Variants in PALLD observed in about 807,000 individuals in gnomAD.
PALLD encodes palladin.
A neutral mutation model predicts 123.5 loss-of-function variants in PALLD; 61 were observed. The ratio of observed to expected loss-of-function variants is 0.49; its 90% confidence interval spans 0.40 to 0.61. The LOEUF is 0.61. Among genes scored for constraint, PALLD ranks in the 20% least tolerant of loss-of-function variants. The pLI is 0.00. For synonymous variants in PALLD, 465 were observed against 496.4 expected (o/e 0.94, Z 0.84); for missense variants, 1,273 against 1,377.0 (o/e 0.92, Z 1.20).
At position 168,914,022 on chromosome 4, in the gene PALLD, G is replaced by C; in HGVS notation, c.2717+1G>C. On this transcript the variant is annotated splice_donor_variant, in intron 16 of 21. Transcript: ENST00000505667. LOFTEE classifies it high-confidence loss of function. ...CCTCAGGCCATCCTCATGTCAGAAGGTATTTAACATGTTCCTTCCCAGAAG... is the reference window on the plus strand; with the variant it reads ...CCTCAGGCCATCCTCATGTCAGAAGCTATTTAACATGTTCCTTCCCAGAAG... 6.4e-7 allele frequency: 1 copy of C among 1,557,266 alleles called. No individual in the cohort carries two copies.
chr4:168,889,694 T>A (rs768444025), intron 10 of PALLD, among the ~76,000 whole-genome samples: 7 of 152,208 alleles, frequency 4.6e-5, no homozygotes, highest in Non-Finnish European at 1.0e-4. Context: ...GGTTTTACCA[T>A]GTATGTATGC....
chr4:168,814,609 C>G (rs1241708057), intron 10 of PALLD, among the ~76,000 whole-genome samples: 1 of 152,218 alleles, frequency 6.6e-6, no homozygotes, highest in African/African-American at 2.4e-5. Context: ...GTGCAGGTCT[C>G]TAAGCCAAGT....
intron 10 of PALLD, among the ~76,000 whole-genome samples, chr4:168,756,551 A>G (rs1164213829): frequency 6.6e-6 from 1 of 152,224 alleles, no homozygotes; most frequent in Non-Finnish European, 1.5e-5. Flanking sequence ...CTCAGGATGT[A>G]AGGGAAAGAG....
chr4:168,560,062 A>C (rs755362916), intron 2 of PALLD, among the ~76,000 whole-genome samples: 5 of 152,238 alleles, frequency 3.3e-5, no homozygotes, highest in African/African-American at 4.8e-5. Flanking sequence ...AAGTAATTCA[A>C]GGTACCCTCA....
rs1355686027 is a variant in PALLD, at chr4:168,921,551, C to T, written c.2868C>T (p.Thr956=). Reference sequence around the variant, plus strand: ...TGATTTAGGTCAGTGGGTTACCAACCCCAGATCTAAGCTGGCAACTAGATG... The same window carrying T: ...TGATTTAGGTCAGTGGGTTACCAACTCCAGATCTAAGCTGGCAACTAGATG... The part of the protein sequence containing the change: ...RMDCKVSGLP[T]PDLSWQLDGK... Residue 956 remains threonine (T), a synonymous_variant, in exon 18 of 22, where the codon ACC becomes ACT. Coordinates refer to ENST00000505667, the MANE Select transcript of PALLD (RefSeq NM_001166108.2). 1 of 1,605,324 alleles carries T rather than the reference C, an allele frequency of 6.2e-7. No homozygotes were observed. The highest frequency in any genetic ancestry group is 1.7e-5 in the Admixed American group (1 of 58,776).
intron 8 of PALLD, among the ~76,000 whole-genome samples, chr4:168,702,348 C>T (rs189463513): frequency 0.013 from 1,995 of 151,978 alleles, 38 homozygotes; most frequent in African/African-American, 0.045. Context: ...GTCAGGAGTT[C>T]GAGACCAGCC....
chr4:168,728,517 G>C (rs1184393264), intron 10 of PALLD, among the ~76,000 whole-genome samples: 1 of 152,122 alleles, frequency 6.6e-6, no homozygotes, highest in African/African-American at 2.4e-5. Context: ...CATTACTGGT[G>C]TATAGAAATG....
At chr4:168,528,191 T>G (rs1222213161) in intron 2 of PALLD, among the ~76,000 whole-genome samples, 2 of 152,224 alleles carry the variant, frequency 1.3e-5, no homozygotes. Flanking sequence ...TGACCCATAA[T>G]TATTATCCAG....
intron 8 of PALLD, among the ~76,000 whole-genome samples, chr4:168,701,184 A>T (rs1783637903): frequency 6.6e-6 from 1 of 152,254 alleles, no homozygotes; most frequent in Non-Finnish European, 1.5e-5. Flanking sequence ...GAAACATAAG[A>T]CTGAGTAGGA....
chr4:168,716,194 G>T (rs1785354427), intron 10 of PALLD, among the ~76,000 whole-genome samples: 1 of 152,254 alleles, frequency 6.6e-6, no homozygotes, highest in African/African-American at 2.4e-5. Context: ...GTGGGAGAAA[G>T]GTAGGACTCT....
chr4:168,639,275 T>A (rs1426018954), intron 2 of PALLD, among the ~76,000 whole-genome samples: 1 of 152,166 alleles, frequency 6.6e-6, no homozygotes, highest in African/African-American at 2.4e-5. Flanking sequence ...CCCAGACAAG[T>A]TAATTTACTG....
At chr4:168,795,108 A>G (rs1429319776) in intron 10 of PALLD, among the ~76,000 whole-genome samples, 1 of 152,102 alleles carries the variant, frequency 6.6e-6, no homozygotes, top group Non-Finnish European at 1.5e-5. Context: ...CACCCTTGTG[A>G]CCTAATCACC....
At chr4:168,920,930 T>C (rs377275147) in intron 17 of PALLD, among the ~76,000 whole-genome samples, 1 of 152,168 alleles carries the variant, frequency 6.6e-6, no homozygotes, top group African/African-American at 2.4e-5. Context: ...GGTGCTGATA[T>C]CATCCCATTA....
intron 10 of PALLD, among the ~76,000 whole-genome samples, chr4:168,793,226 T>C: frequency 5.1e-5 from 1 of 19,492 alleles, no homozygotes; most frequent in Admixed American, 6.1e-4. Flanking sequence ...TATGTGTGCA[T>C]ATATATACAT....
At position 168,926,406 on chromosome 4, in the gene PALLD, T is replaced by C. The variant is rs1359781943; in HGVS notation, c.*226T>C. On this transcript the variant is annotated 3_prime_UTR_variant, in exon 22 of 22. Coordinates refer to ENST00000505667, the MANE Select transcript of PALLD (RefSeq NM_001166108.2). ...TGTAATCCAGCATTCTTGTTAAAGC[T>C]GAAACACTGAAACAGCCATTGCCTT... 5 of 1,508,606 alleles carry C rather than the reference T, an allele frequency of 3.3e-6. No individual in the cohort carries two copies. The Admixed American group carries it at 9.8e-5, about 30-fold the overall frequency. 93.5% of individuals were successfully genotyped at this position (1,508,606 alleles called of 1,614,324 possible).
chr4:168,523,294 A>G (rs1388682953), intron 2 of PALLD, among the ~76,000 whole-genome samples: 2 of 151,658 alleles, frequency 1.3e-5, no homozygotes, highest in African/African-American at 4.8e-5. Context: ...GGGAGGAAGG[A>G]GGGAGGCAGA....
intron 10 of PALLD, among the ~76,000 whole-genome samples, chr4:168,865,232 A>G (rs1298418456): frequency 6.6e-6 from 1 of 152,252 alleles, no homozygotes; most frequent in African/African-American, 2.4e-5. Context: ...GGCCAAAGCC[A>G]TTTAAAATTT....
chr4:168,878,520 A>C, intron 10 of PALLD: 1 of 622,654 alleles, frequency 1.6e-6, no homozygotes, highest in Non-Finnish European at 2.5e-6. Flanking sequence ...CATTTCACAC[A>C]TTTCTCTCCG....
intron 2 of PALLD, among the ~76,000 whole-genome samples, chr4:168,579,659 G>A (rs953358155): frequency 7.9e-5 from 12 of 151,676 alleles, no homozygotes; most frequent in South Asian, 2.1e-4. Flanking sequence ...ATGACTCTTC[G>A]GTAGCTTAAC....
Sources: allele counts gnomAD v4.1 joint callset (sites outside exome capture counted in the v4.1 genomes callset), GRCh38; gene constraint gnomAD v4.1.1; transcripts MANE v1.5; gene names NCBI Gene and HGNC (gene_info 2026-07-23, HGNC 2026-07-21).